The following GRM5 variants were observed in gnomAD, a reference collection of about 807,000 sequenced individuals.
GRM5 encodes the protein metabotropic glutamate receptor 5.
In GRM5, 19 loss-of-function variants were observed where a neutral mutation model predicts 83.1. That is an observed-to-expected ratio of 0.23 (90% CI 0.16 to 0.34). The LOEUF is 0.34. GRM5 is among the 10% of genes least tolerant of loss of function. The pLI, the probability that GRM5 is intolerant of heterozygous loss-of-function variation, is 1.00. For missense variants in GRM5, 1,160 were observed against 1,588.3 expected (o/e 0.73, Z 4.58); for synonymous variants, 675 against 633.6 (o/e 1.07, Z -0.98).
At position 88,567,223 on chromosome 11, in the gene GRM5, C is replaced by G; in HGVS notation, c.2460G>C (p.Pro820=). Residue 820 remains proline (P), a synonymous_variant, in exon 8 of 10, where the codon CCG becomes CCC. Coordinates refer to ENST00000305447, the MANE Select transcript of GRM5 (RefSeq NM_001143831.3). The surrounding 1 kb of genome is among the most constrained non-coding windows in gnomAD (Gnocchi z 7.3). ...GTTTGGCCAGGATGATGTACACCTTCGGCACAAACATGCAGCCTAGGGCCA... is the reference window on the plus strand; with the variant it reads ...GTTTGGCCAGGATGATGTACACCTTGGGCACAAACATGCAGCCTAGGGCCA... ...ATVALGCMFV[P]KVYIILAKPE... 1 of 1,614,084 alleles carries G rather than the reference C, an allele frequency of 6.2e-7. No homozygotes were observed. Among genetic ancestry groups the G allele is most frequent in the South Asian group, 1.1e-5 (1 of 91,082 alleles).
chr11:88,670,785 TAAA>T (rs1940172119), intron 3 of GRM5, among the ~76,000 whole-genome samples: 1 of 151,930 alleles, frequency 6.6e-6, no homozygotes, highest in Non-Finnish European at 1.5e-5. Context: ...GGCAAAAAGT[TAAA>T]AACGATCGAC....
intron 2 of GRM5, among the ~76,000 whole-genome samples, chr11:88,953,385 G>T (rs1938519999): frequency 1.3e-5 from 2 of 152,166 alleles, no homozygotes; most frequent in Non-Finnish European, 2.9e-5. Flanking sequence ...CCTGGAGAAT[G>T]ACTAATTTGT....
intron 2 of GRM5, among the ~76,000 whole-genome samples, chr11:88,873,372 G>T (rs1479829990): frequency 6.6e-6 from 1 of 151,438 alleles, no homozygotes; most frequent in East Asian, 1.9e-4. Flanking sequence ...CCTAATAAAT[G>T]TTTACAGAAA....
At chr11:88,641,096 G>A (rs1939281124) in intron 4 of GRM5, among the ~76,000 whole-genome samples, 1 of 151,980 alleles carries the variant, frequency 6.6e-6, no homozygotes. Context: ...ATGTGCTTCT[G>A]GGGAGGCCTC....
Position 88,950,630 on chromosome 11 carries a change from G to A in GRM5, c.661+96582C>T, listed in dbSNP as rs185433197. 2.6e-3 allele frequency among the ~76,000 whole-genome samples: 391 copies of A among 152,240 alleles called. 2 individuals carry two copies. The highest frequency in any genetic ancestry group is 8.6e-3 in the African/African-American group (358 of 41,550). On this transcript the variant is annotated intron_variant, in intron 2 of 9. Coordinates refer to ENST00000305447, the MANE Select transcript of GRM5 (RefSeq NM_001143831.3). Reference sequence around the variant, plus strand: ...CATTATTAGAATGGCAAAAAGAAGTGCAAGACTAAGAAATTAGAAAAAATA... The same window carrying A: ...CATTATTAGAATGGCAAAAAGAAGTACAAGACTAAGAAATTAGAAAAAATA...
chr11:88,868,955 TAG>T (rs1944716888), intron 2 of GRM5, among the ~76,000 whole-genome samples: 2 of 151,746 alleles, frequency 1.3e-5, no homozygotes, highest in Non-Finnish European at 2.9e-5. Flanking sequence ...AATCCCACGA[TAG>T]TACCAAAGTA....
chr11:88,952,296 G>C (rs985175421), intron 2 of GRM5, among the ~76,000 whole-genome samples: 1 of 152,008 alleles, frequency 6.6e-6, no homozygotes, highest in African/African-American at 2.4e-5. Context: ...TGACTTCCTG[G>C]ACTCTCTAAT....
At chr11:88,849,758 A>T in intron 3 of GRM5, 148 bp downstream of exon 3, 1 of 756,138 alleles carries the variant, frequency 1.3e-6, no homozygotes, top group Non-Finnish European at 2.3e-6. Flanking sequence ...GATTTTCTCC[A>T]GGCACAGGTG....
intron 2 of GRM5, among the ~76,000 whole-genome samples, chr11:88,886,885 G>C (rs1191984831): frequency 6.6e-6 from 1 of 152,154 alleles, no homozygotes; most frequent in Non-Finnish European, 1.5e-5. Flanking sequence ...TAGCTCAAGG[G>C]AAGGCATCTT....
chr11:88,801,854 T>C lies in GRM5; in HGVS notation c.911+48052A>G, dbSNP rs1203602541. 2.6e-5 allele frequency among the ~76,000 whole-genome samples: 4 copies of C among 152,150 alleles called. No homozygotes were observed. In the East Asian group the frequency reaches 5.8e-4, roughly 22 times the overall value. On this transcript the variant is annotated intron_variant, in intron 3 of 9. Coordinates refer to ENST00000305447, the MANE Select transcript of GRM5 (RefSeq NM_001143831.3). ...ACATTAACAAATTTTATAACCTCTA[T>C]GAGGAGAAAAGCTCCTCATGGTGTC...
intron 3 of GRM5, among the ~76,000 whole-genome samples, chr11:88,810,053 G>A (rs1446437033): frequency 3.9e-5 from 6 of 152,046 alleles, no homozygotes; most frequent in Non-Finnish European, 8.8e-5. Flanking sequence ...CAGGAACTGG[G>A]AAAGCTGTTA....
At chr11:88,706,746 A>C (rs1185282237) in intron 3 of GRM5, among the ~76,000 whole-genome samples, 1 of 152,082 alleles carries the variant, frequency 6.6e-6, no homozygotes, top group Non-Finnish European at 1.5e-5. Flanking sequence ...GTCAGATTGT[A>C]CAAATTCTCC....
At chr11:88,686,991 G>A (rs747649839) in intron 3 of GRM5, among the ~76,000 whole-genome samples, 23 of 151,912 alleles carry the variant, frequency 1.5e-4, no homozygotes, top group Non-Finnish European at 1.9e-4. Flanking sequence ...CATTCAGGCT[G>A]ACTAGAAATG....
In GRM5 at chr11:88,597,230, A is replaced by T. The variant is rs771882863; in HGVS notation, c.1517T>A (p.Ile506Asn). The T allele has an allele frequency of 1.2e-6, 2 of 1,610,562 alleles. No homozygotes were observed. Among genetic ancestry groups the T allele is most frequent in the Non-Finnish European group, 1.7e-6 (2 of 1,177,626 alleles). Residue 506 changes from isoleucine (I) to asparagine (N), a missense_variant, in exon 6 of 10, where the codon ATC (isoleucine) becomes AAC (asparagine). Physicochemically the swap from Ile to Asn is moderately radical, Grantham distance 149. Transcript: ENST00000305447. ...DDEVWSKKSNIIRSVCSEPCE... is the reference protein window; with the variant it reads ...DDEVWSKKSNNIRSVCSEPCE... ...TGGTTCACTGCACACAGATCTGATG[A>T]TGTTGCTTTTCTTGGACCATACTTC...
intron 3 of GRM5, among the ~76,000 whole-genome samples, chr11:88,743,904 C>A (rs998824121): frequency 6.6e-6 from 1 of 152,008 alleles, no homozygotes; most frequent in Non-Finnish European, 1.5e-5. Context: ...AGTTAATTGT[C>A]AATGGTAATG....
intron 2 of GRM5, among the ~76,000 whole-genome samples, chr11:88,952,076 CA>C (rs1210816827): frequency 6.6e-6 from 1 of 152,114 alleles, no homozygotes; most frequent in East Asian, 1.9e-4. Flanking sequence ...TCTCAGGTGT[CA>C]GCTCTCAGCA....
intron 3 of GRM5, among the ~76,000 whole-genome samples, chr11:88,782,195 CAAT>C (rs956775505): frequency 4.6e-5 from 7 of 151,692 alleles, no homozygotes; most frequent in Admixed American, 3.3e-4. Flanking sequence ...ATAATAATAA[CAAT>C]AATAATAATA....
intron 7 of GRM5, among the ~76,000 whole-genome samples, chr11:88,590,166 C>A (rs1274110682): frequency 6.6e-6 from 1 of 152,136 alleles, no homozygotes; most frequent in Non-Finnish European, 1.5e-5. Flanking sequence ...TTAATAAAAA[C>A]AATTAACAGA....
chr11:88,795,193 G>A (rs542987465), intron 3 of GRM5, among the ~76,000 whole-genome samples: 1 of 152,346 alleles, frequency 6.6e-6, no homozygotes, highest in East Asian at 1.9e-4. Flanking sequence ...ATATGGAACT[G>A]AAAGGGCCTT....
Sources: allele counts gnomAD v4.1 joint callset (sites outside exome capture counted in the v4.1 genomes callset), GRCh38; gene constraint gnomAD v4.1.1; non-coding constraint Gnocchi (gnomAD v3.1); transcripts MANE v1.5; gene names NCBI Gene and HGNC (gene_info 2026-07-23, HGNC 2026-07-21).